Variants in DIP2C observed in about 807,000 individuals in gnomAD.
DIP2C encodes disco-interacting protein 2 homolog C.
Under a neutral mutation model 192.4 loss-of-function variants are expected in DIP2C, and 33 were observed. The ratio of observed to expected loss-of-function variants is 0.17; its 90% CI spans 0.13 to 0.23. The LOEUF (loss-of-function observed/expected upper bound fraction) is 0.23. Ranked by LOEUF, DIP2C falls within the 10% of genes least tolerant of loss-of-function variation. The pLI, the probability that DIP2C is intolerant of heterozygous loss-of-function variation, is 1.00. For synonymous variants in DIP2C, 979 were observed against 864.1 expected (o/e 1.13, Z -2.33); for missense variants, 1,537 against 2,110.1 (o/e 0.73, Z 5.32).
intron 10 of DIP2C, among the ~76,000 whole-genome samples, chr10:396,531 C>G (rs533475354): frequency 6.6e-4 from 100 of 152,322 alleles, no homozygotes; most frequent in African/African-American, 1.6e-3. Flanking sequence ...CTCATGCCTA[C>G]AAGTTCCTGC....
chr10:389,580 C>T (rs2132942226), intron 13 of DIP2C, among the ~76,000 whole-genome samples: 1 of 152,298 alleles, frequency 6.6e-6, no homozygotes, highest in South Asian at 2.1e-4. Flanking sequence ...ACAGCGTCTC[C>T]CCAGATCCAC....
At chr10:281,442 G>GC in intron 35 of DIP2C, 119 bp from the exon 36 acceptor site, 1 of 1,373,248 alleles carries the variant, frequency 7.3e-7, no homozygotes, top group Non-Finnish European at 9.6e-7. Flanking sequence ...AAAGGAAGGG[G>GC]CTCACGGATC....
At chr10:404,235 GTC>G (rs1169275482) in intron 9 of DIP2C, among the ~76,000 whole-genome samples, 3 of 148,874 alleles carry the variant, frequency 2.0e-5, no homozygotes, top group Admixed American at 6.7e-5. Context: ...TTGAGACAGA[GTC>G]TTGTTGTGTC....
intron 35 of DIP2C, among the ~76,000 whole-genome samples, chr10:282,711 T>TCC (rs891649748): frequency 2.0e-5 from 3 of 152,360 alleles, no homozygotes; most frequent in African/African-American, 7.2e-5. Flanking sequence ...GGCAATGCTG[T>TCC]CCACCTGGCT....
At chr10:624,563 C>G (rs1588627959) in intron 1 of DIP2C, among the ~76,000 whole-genome samples, 1 of 152,288 alleles carries the variant, frequency 6.6e-6, no homozygotes, top group East Asian at 1.9e-4. Context: ...GGAAGTCACT[C>G]CCACCAGCCC....
intron 1 of DIP2C, among the ~76,000 whole-genome samples, chr10:658,752 C>A (rs1488549458): frequency 6.6e-6 from 1 of 152,156 alleles, no homozygotes; most frequent in East Asian, 1.9e-4. Flanking sequence ...CAGCTTTGCA[C>A]CCATTTAACA....
At chr10:627,992 A>G (rs1361954975) in intron 1 of DIP2C, among the ~76,000 whole-genome samples, 1 of 152,210 alleles carries the variant, frequency 6.6e-6, no homozygotes, top group Non-Finnish European at 1.5e-5. Flanking sequence ...GCAGCATCGG[A>G]ATGTTTAAAG....
At chr10:439,841 CA>C (rs1372761729) in intron 4 of DIP2C, among the ~76,000 whole-genome samples, 2 of 152,064 alleles carry the variant, frequency 1.3e-5, no homozygotes, top group African/African-American at 4.8e-5. Flanking sequence ...AAAATACTCC[CA>C]AAAAATTGTA....
chr10:455,323 GGAGACC>G (rs1564733611), intron 3 of DIP2C, among the ~76,000 whole-genome samples: 35 of 144,880 alleles, frequency 2.4e-4, no homozygotes, highest in Non-Finnish European at 3.9e-4. Flanking sequence ...CTGCCTGAGG[GGAGACC>G]GTGAGGAATA....
intron 3 of DIP2C, among the ~76,000 whole-genome samples, chr10:447,739 A>T (rs1356381151): frequency 8.5e-6 from 1 of 118,150 alleles, no homozygotes; most frequent in Non-Finnish European, 1.6e-5. Context: ...TCAGGATCAC[A>T]CACAGTAGGG....
chr10:609,872 C>T (rs1852952779), intron 1 of DIP2C, among the ~76,000 whole-genome samples: 1 of 152,134 alleles, frequency 6.6e-6, no homozygotes, highest in Non-Finnish European at 1.5e-5. Flanking sequence ...GAGACAGAAA[C>T]CCAAGCGTTC....
chr10:350,420 G>A (rs1958734406), intron 24 of DIP2C, among the ~76,000 whole-genome samples: 3 of 152,202 alleles, frequency 2.0e-5, no homozygotes, highest in African/African-American at 7.2e-5. Context: ...TTTTCCTGAG[G>A]ACACACTTTA....
rs368298890 is a variant in DIP2C at position 471,485 on chromosome 10, T to G, written c.268+954A>C. On this transcript the variant is annotated intron_variant, in intron 3 of 36. Transcript: ENST00000280886. ...CCGTCATCCCTTAGCCTCACTTTTT[T>G]CTTCTGACACAGAAGACAACAGTCA... is the stretch of plus-strand genomic sequence containing the variant. Among the ~76,000 whole-genome samples, 6 of 152,162 alleles carry G rather than the reference T, an allele frequency of 3.9e-5. No individual in the cohort carries two copies. In the South Asian group the frequency reaches 6.2e-4, roughly 16 times the overall value.
intron 7 of DIP2C, among the ~76,000 whole-genome samples, chr10:414,739 G>GTGTGTGTATATATATA: frequency 0.031 from 2,799 of 90,374 alleles, 206 homozygotes; most frequent in Middle Eastern, 0.063. Flanking sequence ...GTGTGTGTGT[G>GTGTGTGTATATATATA]TACATATATA....
intron 1 of DIP2C, among the ~76,000 whole-genome samples, chr10:579,956 A>G (rs1411591466): frequency 6.6e-6 from 1 of 151,706 alleles, no homozygotes; most frequent in Non-Finnish European, 1.5e-5. Flanking sequence ...GTACATGAAT[A>G]AAGCACAGCC....
intron 6 of DIP2C, among the ~76,000 whole-genome samples, chr10:416,584 T>A (rs972255537): frequency 6.6e-6 from 1 of 152,182 alleles, no homozygotes; most frequent in African/African-American, 2.4e-5. Context: ...AGCCCCTACC[T>A]ATCCAAGTGG....
intron 29 of DIP2C, chr10:340,950 T>C: frequency 1.7e-6 from 1 of 595,656 alleles, no homozygotes; most frequent in Non-Finnish European, 3.1e-6. Context: ...TTGTCAGAAA[T>C]AAAGGTCCGC....
chr10:568,765 CAAAAAAAAA>C (rs1206501677), intron 1 of DIP2C, among the ~76,000 whole-genome samples: 223 of 37,824 alleles, frequency 5.9e-3, no homozygotes, highest in Middle Eastern at 0.031. Context: ...AACTCCGTCT[CAAAAAAAAA>C]AAAAAAAAAA....
intron 29 of DIP2C, among the ~76,000 whole-genome samples, chr10:336,705 G>T (rs552010769): frequency 1.3e-5 from 2 of 152,316 alleles, no homozygotes; most frequent in Admixed American, 1.3e-4. Context: ...TCCAGGAGAA[G>T]GTATTGTTAT....
Sources: gnomAD v4.1 joint callset for allele counts (sites outside exome capture counted in the v4.1 genomes callset) on GRCh38, gnomAD v4.1.1 for gene constraint, MANE v1.5 for transcripts, NCBI Gene and HGNC (gene_info 2026-07-23, HGNC 2026-07-21) for gene names.